Variants in FAT3 observed in about 807,000 individuals in gnomAD.
FAT3 encodes the protein protocadherin Fat 3.
Under a neutral mutation model 310.2 loss-of-function variants are expected in FAT3, and 95 were observed. The ratio of observed to expected loss-of-function variants is 0.31; its 90% CI spans 0.26 to 0.36. The LOEUF (loss-of-function observed/expected upper bound fraction) is 0.36. Ranked by LOEUF, FAT3 falls within the 10% of genes least tolerant of loss-of-function variation. The pLI, the probability that FAT3 is intolerant of heterozygous loss-of-function variation, is 1.00. For synonymous variants in FAT3, 2,314 were observed against 2,192.9 expected (o/e 1.06, Z -1.54); for missense variants, 5,408 against 5,715.6 (o/e 0.95, Z 1.74).
At chr11:92,781,620 A>G (rs1418623088) in intron 7 of FAT3, among the ~76,000 whole-genome samples, 1 of 152,202 alleles carries the variant, frequency 6.6e-6, no homozygotes, top group East Asian at 1.9e-4. Context: ...TGAAAGGAGC[A>G]CCAACTCAGA....
At chr11:92,740,169 C>T (rs1415830859) in intron 4 of FAT3, among the ~76,000 whole-genome samples, 1 of 152,168 alleles carries the variant, frequency 6.6e-6, no homozygotes, top group Admixed American at 6.5e-5. Flanking sequence ...GTAAAAACTA[C>T]TTGTATTCTA....
In FAT3 at chr11:92,267,507, G is replaced by T. The variant is rs751516683; in HGVS notation, c.-18+42333G>T. On this transcript the variant is annotated intron_variant, in intron 1 of 27. Coordinates refer to ENST00000525166, the MANE Select transcript of FAT3 (RefSeq NM_001367949.2). ...GTTTGGCGGAGGGTCCTTGGGCCAAGAGTGGCAGCTTGGGAACAGTAGCTT... is the reference window on the plus strand; with the variant it reads ...GTTTGGCGGAGGGTCCTTGGGCCAATAGTGGCAGCTTGGGAACAGTAGCTT... Among the ~76,000 whole-genome samples the T allele has an allele frequency of 2.0e-5, 3 of 152,004 alleles. No homozygotes were observed. In the South Asian group the frequency reaches 6.2e-4, roughly 32 times the overall value.
chr11:92,852,325 CACA>C (rs1296971142), intron 19 of FAT3, among the ~76,000 whole-genome samples: 1 of 152,184 alleles, frequency 6.6e-6, no homozygotes, highest in African/African-American at 2.4e-5. Context: ...CTGCAGTTTG[CACA>C]CATGATCACA....
At chr11:92,268,236 C>T (rs1444478713) in intron 1 of FAT3, among the ~76,000 whole-genome samples, 4 of 152,090 alleles carry the variant, frequency 2.6e-5, no homozygotes, top group Non-Finnish European at 5.9e-5. Flanking sequence ...AGGACCTTGC[C>T]CAGGGAAACA....
intron 4 of FAT3, among the ~76,000 whole-genome samples, chr11:92,711,102 T>A (rs1476457172): frequency 6.6e-6 from 1 of 152,214 alleles, no homozygotes; most frequent in Non-Finnish European, 1.5e-5. Context: ...AGTTTTTCCA[T>A]AAATTGATGA....
At chr11:92,566,479 T>G (rs1955450417) in intron 3 of FAT3, among the ~76,000 whole-genome samples, 1 of 151,968 alleles carries the variant, frequency 6.6e-6, no homozygotes, top group Non-Finnish European at 1.5e-5. Context: ...ATTTATAGAT[T>G]CAATGCCATC....
At chr11:92,838,700 G>A (rs1418649416) in intron 17 of FAT3, among the ~76,000 whole-genome samples, 2 of 152,184 alleles carry the variant, frequency 1.3e-5, no homozygotes, top group African/African-American at 4.8e-5. Context: ...CTTTGTGGGT[G>A]GAAGGTGAAA....
chr11:92,878,634 T>TAAAAAAAAAAAAAAAAAAAAAAAAAA (rs145900689), intron 22 of FAT3, among the ~76,000 whole-genome samples: 1 of 21,230 alleles, frequency 4.7e-5, no homozygotes, highest in African/African-American at 1.4e-4. Context: ...TGTTATGTGT[T>TAAAAAAAAAAAAAAAAAAAAAAAAAA]AAAAAAAAAA....
intron 3 of FAT3, among the ~76,000 whole-genome samples, chr11:92,637,839 A>G (rs1941822062): frequency 6.6e-6 from 1 of 152,224 alleles, no homozygotes; most frequent in Non-Finnish European, 1.5e-5. Context: ...CCCTTATTAT[A>G]CATGAGGCTT....
At chr11:92,528,607 C>T (rs1459465088) in intron 3 of FAT3, among the ~76,000 whole-genome samples, 4 of 152,114 alleles carry the variant, frequency 2.6e-5, no homozygotes, top group Non-Finnish European at 4.4e-5. Flanking sequence ...AGGATGGTCT[C>T]GATTTCCTGA....
chr11:92,822,618 A>G (rs1187512077), intron 13 of FAT3, among the ~76,000 whole-genome samples: 1 of 152,178 alleles, frequency 6.6e-6, no homozygotes, highest in African/African-American at 2.4e-5. Context: ...AAGCTCTTTT[A>G]ATAACTTCTC....
chr11:92,667,934 G>C (rs946204622), intron 3 of FAT3, among the ~76,000 whole-genome samples: 8 of 152,192 alleles, frequency 5.3e-5, no homozygotes, highest in Admixed American at 4.6e-4. Flanking sequence ...GCAGCATAAT[G>C]ATGTGTGTGC....
chr11:92,246,549 A>AG, intron 1 of FAT3, among the ~76,000 whole-genome samples: 1 of 152,208 alleles, frequency 6.6e-6, no homozygotes, highest in Admixed American at 6.5e-5. Flanking sequence ...TCATTTCAGC[A>AG]GGGGGAGGAG....
chr11:92,570,989 T>A (rs1265287409), intron 3 of FAT3, among the ~76,000 whole-genome samples: 2 of 152,184 alleles, frequency 1.3e-5, no homozygotes, highest in African/African-American at 4.8e-5. Context: ...GAGTGGTCAG[T>A]AAAAGTTATT....
chr11:92,247,840 G>C (rs1348029575), intron 1 of FAT3, among the ~76,000 whole-genome samples: 1 of 151,376 alleles, frequency 6.6e-6, no homozygotes, highest in African/African-American at 2.4e-5. Flanking sequence ...ATTGTGGCAT[G>C]AGCCTGTTGT....
At chr11:92,710,474 G>A (rs950085213) in intron 4 of FAT3, among the ~76,000 whole-genome samples, 5 of 152,172 alleles carry the variant, frequency 3.3e-5, no homozygotes, top group African/African-American at 1.2e-4. Context: ...AAAGGCTGCA[G>A]TCAAATTTAA....
chr11:92,666,604 C>T (rs899054669), intron 3 of FAT3, among the ~76,000 whole-genome samples: 5 of 151,714 alleles, frequency 3.3e-5, no homozygotes, highest in Admixed American at 2.6e-4. Context: ...TCGTGATCCG[C>T]CTGCCTCGGC....
At chr11:92,389,844 A>G (rs975484268) in intron 2 of FAT3, among the ~76,000 whole-genome samples, 12 of 152,102 alleles carry the variant, frequency 7.9e-5, no homozygotes, top group African/African-American at 2.7e-4. Flanking sequence ...AACGTAACAC[A>G]CTGAGATGTT....
intron 1 of FAT3, among the ~76,000 whole-genome samples, chr11:92,309,540 G>C (rs1947240598): frequency 6.6e-6 from 1 of 152,256 alleles, no homozygotes; most frequent in South Asian, 2.1e-4. Flanking sequence ...CTTCGGGAAA[G>C]TAATTATTCT....
Sources: allele counts gnomAD v4.1 joint callset (sites outside exome capture counted in the v4.1 genomes callset), GRCh38; gene constraint gnomAD v4.1.1; transcripts MANE v1.5; gene names NCBI Gene and HGNC (gene_info 2026-07-23, HGNC 2026-07-21).